The following CLIP2 variants were observed in gnomAD, a reference collection of about 807,000 sequenced individuals.
CLIP2 encodes the protein CAP-Gly domain-containing linker protein 2.
Under a neutral mutation model 111.7 loss-of-function variants are expected in CLIP2, and 41 were observed. The observed-to-expected ratio is 0.37, with a 90% CI of 0.29 to 0.48. CLIP2 has a LOEUF of 0.48. Ranked by LOEUF, CLIP2 falls within the 20% of genes least tolerant of loss-of-function variation. The pLI is 0.99. For synonymous variants in CLIP2, 660 were observed against 644.2 expected (o/e 1.02, Z -0.37); for missense variants, 1,160 against 1,422.1 (o/e 0.82, Z 2.96).
chr7:74,317,308 T>C (rs1308146088), intron 1 of CLIP2, among the ~76,000 whole-genome samples, 172 bp from the exon 2 acceptor site: 8 of 151,940 alleles, frequency 5.3e-5, no homozygotes, highest in Admixed American at 1.3e-4. Flanking sequence ...GGATGGTGAG[T>C]CTGAGAGCGG....
chr7:74,396,319 T>C (rs1240669647), intron 13 of CLIP2, among the ~76,000 whole-genome samples: 1 of 152,078 alleles, frequency 6.6e-6, no homozygotes, highest in Non-Finnish European at 1.5e-5. Flanking sequence ...CCCAGCGTTT[T>C]GGGAAGCCAA....
intron 1 of CLIP2, among the ~76,000 whole-genome samples, chr7:74,296,371 G>A (rs1335276478): frequency 1.3e-5 from 2 of 152,002 alleles, no homozygotes; most frequent in East Asian, 3.9e-4. Context: ...TTAGCCAGAT[G>A]TAGTGGCATG....
At chr7:74,314,837 C>A (rs1383949452) in intron 1 of CLIP2, among the ~76,000 whole-genome samples, 5 of 152,158 alleles carry the variant, frequency 3.3e-5, no homozygotes, top group African/African-American at 9.6e-5. Flanking sequence ...GGCTTGTCCA[C>A]CCCTCCGGCC....
intron 1 of CLIP2, among the ~76,000 whole-genome samples, chr7:74,317,099 C>A (rs538008093): frequency 9.2e-5 from 14 of 152,290 alleles, no homozygotes; most frequent in African/African-American, 3.1e-4. Context: ...GATGAAACAT[C>A]TTTCAATTGT....
intron 7 of CLIP2, among the ~76,000 whole-genome samples, chr7:74,362,546 T>TTTTTTTTTTTTC (rs1790362648): frequency 6.7e-6 from 1 of 148,858 alleles, no homozygotes; most frequent in Non-Finnish European, 1.5e-5. Flanking sequence ...TTTTTTTTTT[T>TTTTTTTTTTTTC]GTTTCTTTAG....
intron 3 of CLIP2, among the ~76,000 whole-genome samples, chr7:74,351,562 G>A (rs893251316): frequency 3.3e-5 from 5 of 151,858 alleles, no homozygotes; most frequent in Non-Finnish European, 5.9e-5. Context: ...CCAGCCAGAC[G>A]TGGTGGCTCA....
intron 3 of CLIP2, among the ~76,000 whole-genome samples, chr7:74,347,429 T>C (rs991612482): frequency 3.1e-4 from 47 of 152,208 alleles, no homozygotes; most frequent in South Asian, 1.0e-3. Context: ...CCACCACGCC[T>C]GGCTAATTTT....
chr7:74,348,780 ACT>A (rs1256154152), intron 3 of CLIP2, among the ~76,000 whole-genome samples: 5 of 127,532 alleles, frequency 3.9e-5, no homozygotes, highest in Admixed American at 1.8e-4. Flanking sequence ...ACAGAGCGAG[ACT>A]CTGTCTCAAA....
chr7:74,378,594 C>T (rs760776093), intron 10 of CLIP2, among the ~76,000 whole-genome samples: 6 of 152,026 alleles, frequency 3.9e-5, no homozygotes, highest in Non-Finnish European at 8.8e-5. Flanking sequence ...AAAAATTAGC[C>T]GAGTACAGTG....
At chr7:74,364,092 G>A (rs1790410160) in intron 7 of CLIP2, among the ~76,000 whole-genome samples, 163 bp from the exon 8 acceptor site, 1 of 152,194 alleles carries the variant, frequency 6.6e-6, no homozygotes, top group Non-Finnish European at 1.5e-5. Context: ...AGGTCAGCAG[G>A]TTGGGAGGTC....
At position 74,376,862 on chromosome 7, in the gene CLIP2, C is replaced by T; in HGVS notation, c.2421+40C>T. The T allele has an allele frequency of 6.7e-7, 1 of 1,486,678 alleles. No individual in the cohort carries two copies. The highest frequency in any genetic ancestry group is 9.0e-7 in the Non-Finnish European group (1 of 1,116,540). 92.1% of individuals were successfully genotyped at this position (1,486,678 alleles called of 1,614,324 possible). A position where few individuals can be genotyped will look rare whatever the true frequency, so the allele number is the denominator to read the frequency against. On this transcript the variant is annotated intron_variant, in intron 10 of 16. Coordinates refer to ENST00000223398, the MANE Select transcript of CLIP2 (RefSeq NM_003388.5). The surrounding 1 kb of genome is among the most constrained non-coding windows in gnomAD (Gnocchi z 7.1). ...CTCCTGCTGGGGCGGGAGGGTCGGG[C>T]TGGGGAGGGCTTGGCCTTTTGCTGA...
At chr7:74,348,283 C>T (rs1271734861) in intron 3 of CLIP2, among the ~76,000 whole-genome samples, 3 of 152,010 alleles carry the variant, frequency 2.0e-5, no homozygotes, top group Non-Finnish European at 4.4e-5. Context: ...AGAAAATTCC[C>T]CAGATTGATA....
chr7:74,289,488 G>A lies in CLIP2; in HGVS notation c.-314G>A, dbSNP rs1220379493. ...GGGCGCTCAGCTCGGCTCGGCCGCG[G>A]GGCGCGCAGGCGGCTGCTGGGCGGC... On this transcript the variant is annotated 5_prime_UTR_variant, in exon 1 of 17. Transcript: ENST00000223398. The A allele has an allele frequency of 6.6e-6, 1 of 150,930 alleles. No individual in the cohort carries two copies. The highest frequency in any genetic ancestry group is 1.5e-5 in the Non-Finnish European group (1 of 67,542). The allele number at this position is 150,930 out of a possible 1,614,324, so 9.3% of individuals were successfully genotyped here.
rs1368215308 is a variant in CLIP2, at chr7:74,404,271, G to C, written c.*423G>C. 9.4e-6 allele frequency: 2 copies of C among 211,970 alleles called. No homozygotes were observed. The highest frequency in any genetic ancestry group is 1.0e-4 in the Admixed American group (2 of 19,774). 13.1% of individuals were successfully genotyped at this position (211,970 alleles called of 1,614,324 possible). ...CCGGCGGGGGCTGGGGAGGGGGTAA[G>C]TTTATCCATGCAGACACCAAGGGGG... is the stretch of plus-strand genomic sequence containing the variant. On this transcript the variant is annotated 3_prime_UTR_variant, in exon 17 of 17. Transcript: ENST00000223398.
intron 1 of CLIP2, among the ~76,000 whole-genome samples, chr7:74,307,725 T>G (rs1303158762): frequency 6.6e-6 from 1 of 152,100 alleles, no homozygotes; most frequent in African/African-American, 2.4e-5. Flanking sequence ...ACTCCTGACC[T>G]TGTGATCTGC....
chr7:74,295,822 G>C (rs76406951), intron 1 of CLIP2, among the ~76,000 whole-genome samples: 1 of 151,806 alleles, frequency 6.6e-6, no homozygotes, highest in Admixed American at 6.6e-5. Flanking sequence ...GTGGGCAACA[G>C]AGCCAGACTT....
chr7:74,360,119 T>A (rs1260039334), intron 6 of CLIP2, 56 bp from the exon 7 acceptor site: 22 of 1,447,108 alleles, frequency 1.5e-5, no homozygotes, highest in Non-Finnish European at 2.0e-5. Flanking sequence ...ACCACCAACC[T>A]GGACCCCATA....
intron 13 of CLIP2, among the ~76,000 whole-genome samples, chr7:74,391,825 A>G (rs1554315902): frequency 2.0e-5 from 3 of 152,044 alleles, no homozygotes; most frequent in Non-Finnish European, 4.4e-5. Context: ...GTCTCAAAGA[A>G]GAAGAAGAAA....
intron 9 of CLIP2, among the ~76,000 whole-genome samples, chr7:74,375,426 G>A (rs1485114748): frequency 1.3e-5 from 2 of 151,468 alleles, no homozygotes; most frequent in Non-Finnish European, 2.9e-5. Flanking sequence ...GGTGGTGCAT[G>A]CCTGTAGTCC....
Sources: allele counts gnomAD v4.1 joint callset (sites outside exome capture counted in the v4.1 genomes callset), GRCh38; gene constraint gnomAD v4.1.1; non-coding constraint Gnocchi (gnomAD v3.1); transcripts MANE v1.5; gene names NCBI Gene and HGNC (gene_info 2026-07-23, HGNC 2026-07-21).